Variants in VSTM2L observed in about 807,000 individuals in gnomAD.
VSTM2L encodes the protein V-set and transmembrane domain-containing protein 2-like protein.
In VSTM2L, 9 loss-of-function variants were observed where a neutral mutation model predicts 19.9. The observed-to-expected ratio is 0.45, with a 90% CI of 0.27 to 0.79. VSTM2L has a LOEUF of 0.79. Ranked by LOEUF, VSTM2L falls within the 30% of genes least tolerant of loss-of-function variation. The pLI, the probability that VSTM2L is intolerant of heterozygous loss-of-function variation, is 0.15. For synonymous variants in VSTM2L, 127 were observed against 133.8 expected (o/e 0.95, Z 0.35); for missense variants, 286 against 295.5 (o/e 0.97, Z 0.24).
intron 1 of VSTM2L, among the ~76,000 whole-genome samples, chr20:37,914,910 C>G (rs1419504587): frequency 6.6e-6 from 1 of 152,198 alleles, no homozygotes; most frequent in Admixed American, 6.5e-5. Flanking sequence ...TCAGAGCCCC[C>G]AGGCTGGGGC....
chr20:37,922,257 AC>A (rs927652044), intron 1 of VSTM2L, among the ~76,000 whole-genome samples: 12 of 151,946 alleles, frequency 7.9e-5, no homozygotes, highest in African/African-American at 2.9e-4. Context: ...TTTGAATCAC[AC>A]CATATTTGTC....
intron 1 of VSTM2L, among the ~76,000 whole-genome samples, chr20:37,925,720 G>T (rs977128645): frequency 6.6e-6 from 1 of 152,184 alleles, no homozygotes; most frequent in Non-Finnish European, 1.5e-5. Context: ...GCAGCTCCTG[G>T]CCAGCTCTGG....
At chr20:37,934,811 G>T (rs1056859100) in intron 3 of VSTM2L, among the ~76,000 whole-genome samples, 2 of 152,168 alleles carry the variant, frequency 1.3e-5, no homozygotes, top group Non-Finnish European at 1.5e-5. Context: ...TCAGGCGGGA[G>T]GGGGTGGGCA....
chr20:37,905,386 C>A (rs2072746394), intron 1 of VSTM2L, among the ~76,000 whole-genome samples: 3 of 152,148 alleles, frequency 2.0e-5, no homozygotes, highest in Non-Finnish European at 4.4e-5. Context: ...GGTGGCTCCC[C>A]CCCATAGAAA....
chr20:37,931,419 G>A (rs1446871995), intron 1 of VSTM2L, among the ~76,000 whole-genome samples: 1 of 152,154 alleles, frequency 6.6e-6, no homozygotes, highest in Non-Finnish European at 1.5e-5. Context: ...GCCATCTCAT[G>A]TTGGCTGCTG....
intron 3 of VSTM2L, among the ~76,000 whole-genome samples, chr20:37,936,051 A>ATTTTTT (rs5841281): frequency 5.8e-5 from 8 of 138,924 alleles, no homozygotes; most frequent in African/African-American, 5.4e-5. Context: ...TACCTAGCTA[A>ATTTTTT]TTTTTTTTTT....
intron 3 of VSTM2L, among the ~76,000 whole-genome samples, chr20:37,935,276 T>G (rs1278964011): frequency 6.6e-6 from 1 of 152,078 alleles, no homozygotes. Context: ...GCTCCGAGGG[T>G]CTGGTTAGGA....
intron 3 of VSTM2L, among the ~76,000 whole-genome samples, chr20:37,935,859 A>G (rs529457658): frequency 6.6e-6 from 1 of 151,090 alleles, no homozygotes; most frequent in South Asian, 2.1e-4. Flanking sequence ...CGCCCAGGCC[A>G]ATGTGTGTGT....
chr20:37,918,206 C>T (rs1423910689), intron 1 of VSTM2L, among the ~76,000 whole-genome samples: 1 of 152,148 alleles, frequency 6.6e-6, no homozygotes, highest in African/African-American at 2.4e-5. Flanking sequence ...GGAAGCTTTC[C>T]AGGTATGTGG....
chr20:37,914,193 G>T (rs539112282), intron 1 of VSTM2L, among the ~76,000 whole-genome samples: 147 of 150,250 alleles, frequency 9.8e-4, no homozygotes, highest in African/African-American at 3.5e-3. Context: ...TGTATGTGTG[G>T]TGTGTGCATG....
At chr20:37,910,641 C>T (rs965011641) in intron 1 of VSTM2L, among the ~76,000 whole-genome samples, 2 of 152,156 alleles carry the variant, frequency 1.3e-5, no homozygotes, top group African/African-American at 4.8e-5. Context: ...GAGCTGGGTG[C>T]GGTGGCTCAC....
At chr20:37,929,055 G>A (rs1280967242) in intron 1 of VSTM2L, among the ~76,000 whole-genome samples, 1 of 152,246 alleles carries the variant, frequency 6.6e-6, no homozygotes, top group Admixed American at 6.5e-5. Flanking sequence ...GTTGGCCAGT[G>A]CTGATGATGG....
intron 3 of VSTM2L, among the ~76,000 whole-genome samples, chr20:37,942,801 A>T (rs1425343665): frequency 6.6e-6 from 1 of 152,228 alleles, no homozygotes; most frequent in Non-Finnish European, 1.5e-5. Flanking sequence ...TTTAAAATAG[A>T]AATGTAAAAA....
At chr20:37,906,664 G>C (rs2072753651) in intron 1 of VSTM2L, among the ~76,000 whole-genome samples, 1 of 152,232 alleles carries the variant, frequency 6.6e-6, no homozygotes, top group African/African-American at 2.4e-5. Flanking sequence ...CTGTGTTTAA[G>C]ATGAAGATGC....
At chr20:37,930,371 G>A (rs917224437) in intron 1 of VSTM2L, among the ~76,000 whole-genome samples, 2 of 152,178 alleles carry the variant, frequency 1.3e-5, no homozygotes, top group African/African-American at 4.8e-5. Flanking sequence ...CTGAGCTGGG[G>A]TGGTGAGGAC....
Position 37,944,292 on chromosome 20 carries a change from T to C in VSTM2L, c.*39T>C. 1 of 1,432,828 alleles carries C rather than the reference T, an allele frequency of 7.0e-7. No homozygotes were observed. Among genetic ancestry groups the C allele is most frequent in the East Asian group, 2.6e-5 (1 of 39,084 alleles). 88.8% of individuals were successfully genotyped at this position (1,432,828 alleles called of 1,614,324 possible). On this transcript the variant is annotated 3_prime_UTR_variant, in exon 4 of 4. Transcript: ENST00000373461. ...CCCCCGCCCATCCGCCCCCACGCTGTACAGAGTGCATGAGGAGCCGCCGGA... is the reference window on the plus strand; with the variant it reads ...CCCCCGCCCATCCGCCCCCACGCTGCACAGAGTGCATGAGGAGCCGCCGGA...
At position 37,931,637 on chromosome 20, in the gene VSTM2L, C is replaced by T; in HGVS notation, c.124C>T (p.Leu42=). ...TCTTCCCCCTGTTTCTTGCACAGCC[C>T]TGTTCACAGAGACACCCCATGACAT... ...PWDNHVSGHA[L]FTETPHDMTA... is the part of the protein sequence containing the mutation. The change falls in exon 2 of 4, where the codon CTG becomes TTG. Residue 42 remains leucine (L), a splice_region_variant and synonymous_variant. Transcript: ENST00000373461. 6 of 1,612,274 alleles carry T rather than the reference C, an allele frequency of 3.7e-6. No homozygotes were observed. Among genetic ancestry groups the T allele is most frequent in the Non-Finnish European group, 5.1e-6 (6 of 1,179,726 alleles).
intron 2 of VSTM2L, among the ~76,000 whole-genome samples, chr20:37,932,598 C>T (rs79019594): frequency 1.4e-3 from 216 of 152,220 alleles, no homozygotes; most frequent in African/African-American, 5.0e-3. Context: ...CCCAGTGGGA[C>T]GAAGCTCCAA....
At chr20:37,935,992 C>T (rs2012905) in intron 3 of VSTM2L, among the ~76,000 whole-genome samples, 41,052 of 150,270 alleles carry the variant, frequency 0.27, 5,857 homozygotes, top group Non-Finnish European at 0.31. Context: ...TCGAGAAATT[C>T]TCCTGCTTCA....
Sources: gnomAD v4.1 joint callset for allele counts (sites outside exome capture counted in the v4.1 genomes callset) on GRCh38, gnomAD v4.1.1 for gene constraint, MANE v1.5 for transcripts, NCBI Gene and HGNC (gene_info 2026-07-23, HGNC 2026-07-21) for gene names.